SH3D19: variants seen among roughly 807,000 people sequenced by gnomAD.
SH3D19 encodes the protein SH3 domain-containing protein 19.
Under a neutral mutation model 112.1 loss-of-function variants are expected in SH3D19, and 58 were observed. That is an observed-to-expected ratio of 0.52 (90% CI 0.42 to 0.64). The LOEUF is 0.64. Ranked by LOEUF, SH3D19 falls within the 30% of genes least tolerant of loss-of-function variation. The pLI, the probability that SH3D19 is intolerant of heterozygous loss-of-function variation, is 0.00. For missense variants in SH3D19, 1,090 were observed against 1,263.4 expected, an observed-to-expected ratio of 0.86 and a Z score of 2.08; for synonymous variants, 391 against 448.5, an observed-to-expected ratio of 0.87 and a Z score of 1.62.
In SH3D19 at chr4:151,137,021, G is replaced by A. The variant is rs1437055274; in HGVS notation, c.2427+711C>T. Among the ~76,000 whole-genome samples, 10 of 152,134 alleles carry A rather than the reference G, an allele frequency of 6.6e-5. No individual in the cohort carries two copies. In the East Asian group the frequency reaches 1.5e-3, roughly 23 times the overall value. On this transcript the variant is annotated intron_variant, in intron 14 of 19. Transcript: ENST00000604030. ...TTCACAGTATCAGTAAGTTATATCA[G>A]GGACCGAGTCATCCTATTCCAATTG...
intron 2 of SH3D19, among the ~76,000 whole-genome samples, chr4:151,201,796 A>C (rs1046833726): frequency 3.3e-5 from 5 of 151,412 alleles, no homozygotes; most frequent in African/African-American, 9.7e-5. Context: ...GGATCACCTG[A>C]GGTCAGGAGT....
intron 19 of SH3D19, among the ~76,000 whole-genome samples, chr4:151,124,111 T>TA (rs1280569219): frequency 4.1e-5 from 2 of 48,562 alleles, no homozygotes; most frequent in Admixed American, 5.0e-4. Flanking sequence ...GGGCTAGGAC[T>TA]ATTTTTTTTT....
chr4:151,132,553 G>A (rs939227242), intron 16 of SH3D19, among the ~76,000 whole-genome samples, 170 bp from the exon 17 acceptor site: 2 of 152,196 alleles, frequency 1.3e-5, no homozygotes, highest in Non-Finnish European at 2.9e-5. Flanking sequence ...ACTTCACTGA[G>A]CTTGTTTAGT....
chr4:151,192,415 C>T (rs952914442), intron 2 of SH3D19, among the ~76,000 whole-genome samples: 8 of 152,108 alleles, frequency 5.3e-5, no homozygotes, highest in Admixed American at 2.6e-4. Flanking sequence ...GTACTGGGCA[C>T]GTATCAGAGT....
chr4:151,223,206 T>TC (rs1768398515), intron 2 of SH3D19, among the ~76,000 whole-genome samples: 1 of 151,878 alleles, frequency 6.6e-6, no homozygotes, highest in African/African-American at 2.4e-5. Flanking sequence ...TTTTTTTTTT[T>TC]CAACAGCAGC....
intron 1 of SH3D19, chr4:151,226,723 G>A (rs1255260781): frequency 6.5e-6 from 1 of 152,852 alleles, no homozygotes; most frequent in Non-Finnish European, 1.5e-5. Flanking sequence ...ACAATGCATA[G>A]AGCGGTCCCT....
intron 17 of SH3D19, among the ~76,000 whole-genome samples, chr4:151,130,193 G>C (rs1579643616): frequency 6.6e-6 from 1 of 152,160 alleles, no homozygotes; most frequent in Non-Finnish European, 1.5e-5. Context: ...TGTAATCCTA[G>C]TACCTTGGGA....
intron 9 of SH3D19, among the ~76,000 whole-genome samples, chr4:151,150,252 C>CAA (rs1463617636): frequency 1.1e-4 from 5 of 46,346 alleles, no homozygotes; most frequent in African/African-American, 1.9e-4. Context: ...TATATATATA[C>CAA]ACACATATAT....
intron 1 of SH3D19, chr4:151,277,055 G>T (rs529925270): frequency 3.0e-6 from 2 of 661,934 alleles, no homozygotes; most frequent in African/African-American, 1.9e-5. Context: ...AGGAGAGGAG[G>T]GGGTGAAGCA....
chr4:151,252,607 A>C (rs1467512195), intron 1 of SH3D19, among the ~76,000 whole-genome samples: 1 of 152,160 alleles, frequency 6.6e-6, no homozygotes, highest in African/African-American at 2.4e-5. Context: ...CATGGCTTTA[A>C]ATACTATGAC....
intron 1 of SH3D19, among the ~76,000 whole-genome samples, chr4:151,278,044 A>C (rs1365269768): frequency 2.0e-5 from 3 of 152,116 alleles, no homozygotes; most frequent in Non-Finnish European, 4.4e-5. Flanking sequence ...CCGTCCCCCC[A>C]AAAAACAGAA....
chr4:151,174,716 T>C lies in SH3D19; in HGVS notation c.1488A>G (p.Pro496=), dbSNP rs1251485201. 5.3e-6 allele frequency: 8 copies of C among 1,515,028 alleles called. No individual in the cohort carries two copies. Among genetic ancestry groups the C allele is most frequent in the Middle Eastern group, 1.8e-4 (1 of 5,588 alleles). The allele number at this position is 1,515,028 out of a possible 1,614,324, so 93.8% of individuals were successfully genotyped here. Residue 496 remains proline, a synonymous_variant, in exon 7 of 20, where the codon CCA becomes CCG. Coordinates refer to ENST00000604030, the MANE Select transcript of SH3D19 (RefSeq NM_001378122.1). ...CAGATTCTTCAGCCAGGTTCCCCGA[T>C]GGGGTGGGCAAAACATCATCATCAA... ...ISFDDDVLPT[P]SGNLAEESVG...
At chr4:151,135,368 C>T (rs1248237958) in intron 14 of SH3D19, among the ~76,000 whole-genome samples, 1 of 149,666 alleles carries the variant, frequency 6.7e-6, no homozygotes, top group Non-Finnish European at 1.5e-5. Context: ...CTCTTATTTA[C>T]TGGAATAACC....
chr4:151,201,985 C>G (rs1201863399), intron 2 of SH3D19, among the ~76,000 whole-genome samples: 1 of 150,154 alleles, frequency 6.7e-6, no homozygotes, highest in African/African-American at 2.5e-5. Context: ...GGACTCCAGC[C>G]TGGGCGGTAA....
At chr4:151,203,260 C>T (rs1580138561) in intron 2 of SH3D19, among the ~76,000 whole-genome samples, 3 of 152,250 alleles carry the variant, frequency 2.0e-5, no homozygotes, top group East Asian at 1.9e-4. Context: ...TCAGCTGACA[C>T]GGAACAATCC....
intron 1 of SH3D19, among the ~76,000 whole-genome samples, chr4:151,268,477 C>T (rs1364833318): frequency 6.6e-6 from 1 of 151,606 alleles, no homozygotes; most frequent in East Asian, 1.9e-4. Context: ...TTTTAGGGTA[C>T]ATGTGCACAA....
At chr4:151,222,372 G>A (rs941269516) in intron 2 of SH3D19, among the ~76,000 whole-genome samples, 2 of 152,100 alleles carry the variant, frequency 1.3e-5, no homozygotes, top group African/African-American at 4.8e-5. Flanking sequence ...CTTCTTTATT[G>A]CTCATCCTGG....
Position 151,159,885 on chromosome 4 carries a change from T to C in SH3D19, c.1643-533A>G, listed in dbSNP as rs574981160. The stretch of plus-strand genomic sequence containing the variant: ...TTCTATCGCACAGTGCTACACTAGA[T>C]AATATCCTACCTGTTTTACAGATGA... On this transcript the variant is annotated intron_variant, in intron 8 of 19. Transcript: ENST00000604030. Among the ~76,000 whole-genome samples the C allele has an allele frequency of 1.5e-4, 23 of 152,248 alleles. No individual in the cohort carries two copies. The South Asian group carries it at 4.8e-3, about 32-fold the overall frequency.
At chr4:151,323,602 A>T (rs1447547751) in intron 1 of SH3D19, among the ~76,000 whole-genome samples, 1 of 152,230 alleles carries the variant, frequency 6.6e-6, no homozygotes, top group Non-Finnish European at 1.5e-5. Flanking sequence ...CTTTAATGGA[A>T]AAAGGGCATA....
Sources: allele counts gnomAD v4.1 joint callset (sites outside exome capture counted in the v4.1 genomes callset), GRCh38; gene constraint gnomAD v4.1.1; transcripts MANE v1.5; gene names NCBI Gene and HGNC (gene_info 2026-07-23, HGNC 2026-07-21).